The following CNP variants were observed in gnomAD, a reference collection of about 807,000 sequenced individuals.
CNP encodes 2',3'-cyclic nucleotide 3' phosphodiesterase.
Under a neutral mutation model 37.9 loss-of-function variants are expected in CNP, and 8 were observed. The ratio of observed to expected loss-of-function variants is 0.21; its 90% CI spans 0.12 to 0.38. The LOEUF (loss-of-function observed/expected upper bound fraction) is 0.38. Ranked by LOEUF, CNP falls within the 10% of genes least tolerant of loss-of-function variation. The probability of loss-of-function intolerance (pLI) is 1.00; values close to 1 mark genes in which losing one functional copy is unlikely to be tolerated. For synonymous variants in CNP, 237 were observed against 238.3 expected (o/e 0.99, Z 0.05); for missense variants, 457 against 551.0 (o/e 0.83, Z 1.71).
At position 41,976,602 on chromosome 17, in the gene CNP, G is replaced by T. The variant is rs532804087; in HGVS notation, c.*2678G>T. ...TCCACCCCACTCACAGAGACACAGG[G>T]CATCCAACTGAGAAAACGAAACTGC... is the stretch of plus-strand genomic sequence containing the variant. On this transcript the variant is annotated 3_prime_UTR_variant, in exon 4 of 4. Coordinates refer to ENST00000393892, the MANE Select transcript of CNP (RefSeq NM_033133.5). The T allele has an allele frequency of 3.4e-6, 4 of 1,168,358 alleles. No individual in the cohort carries two copies. In the Admixed American group the frequency reaches 1.1e-4, roughly 31 times the overall value. 72.4% of individuals were successfully genotyped at this position (1,168,358 alleles called of 1,614,324 possible).
Position 41,973,522 on chromosome 17 carries a change from C to T in CNP, c.864C>T (p.Ala288=). The change falls in exon 4 of 4, where the codon GCC becomes GCT. Residue 288 remains alanine (A), a synonymous_variant. Coordinates refer to ENST00000393892, the MANE Select transcript of CNP (RefSeq NM_033133.5). ...YSKAFTLTIS[A]LFVTPKTTGA... is the part of the protein sequence containing the mutation. ...AGGCCTTCACGCTGACCATCTCTGC[C>T]CTCTTTGTGACACCCAAGACGACTG... 6.2e-7 allele frequency: 1 copy of T among 1,614,224 alleles called. No homozygotes were observed. The highest frequency in any genetic ancestry group is 8.5e-7 in the Non-Finnish European group (1 of 1,180,048).
chr17:41,976,929 G>A lies in CNP; in HGVS notation c.*3005G>A, dbSNP rs2051098976. 5 of 829,218 alleles carry A rather than the reference G, an allele frequency of 6.0e-6. No individual in the cohort carries two copies. Among genetic ancestry groups the A allele is most frequent in the South Asian group, 1.9e-5 (1 of 53,382 alleles). The allele number at this position is 829,218 out of a possible 1,614,324, so 51.4% of individuals were successfully genotyped here. On this transcript the variant is annotated 3_prime_UTR_variant, in exon 4 of 4. Coordinates refer to ENST00000393892, the MANE Select transcript of CNP (RefSeq NM_033133.5). ...CTCAGGCTGTTTTTGGGTGCAAGAG[G>A]GAGCACGTGACTGTATTATACATGG...
Position 41,967,920 on chromosome 17 carries a change from C to T in CNP, c.4-148C>T, listed in dbSNP as rs1022557094. On this transcript the variant is annotated intron_variant, in intron 1 of 3. Transcript: ENST00000393892. ...CCTCTTCCTCCTCCACGACCAGAAG[C>T]GGAAAGGTGCTCCCGGACCGAAAGG... 1.3e-4 allele frequency: 195 copies of T among 1,460,176 alleles called. No homozygotes were observed. The East Asian group carries it at 4.5e-3, about 34-fold the overall frequency. The allele number at this position is 1,460,176 out of a possible 1,614,324, so 90.5% of individuals were successfully genotyped here. A position where few individuals can be genotyped will look rare whatever the true frequency, so the allele number is the denominator to read the frequency against.
Position 41,977,488 on chromosome 17 carries a change from C to T in CNP, c.*3564C>T, listed in dbSNP as rs1396111096. On this transcript the variant is annotated 3_prime_UTR_variant, in exon 4 of 4. Transcript: ENST00000393892. ...CTGCAAGTGAGCAAACCTGCCCCATCCCGTGCAAAACATGCTACCTGATCC... is the reference window on the plus strand; with the variant it reads ...CTGCAAGTGAGCAAACCTGCCCCATTCCGTGCAAAACATGCTACCTGATCC... The T allele has an allele frequency of 8.3e-6, 5 of 600,560 alleles. No homozygotes were observed. The East Asian group carries it at 1.2e-4, about 14-fold the overall frequency. 37.2% of individuals were successfully genotyped at this position (600,560 alleles called of 1,614,324 possible).
rs1199960315 is a variant in CNP, at chr17:41,976,823, C to A, written c.*2899C>A. 3.8e-6 allele frequency: 6 copies of A among 1,591,452 alleles called. No individual in the cohort carries two copies. Among genetic ancestry groups the A allele is most frequent in the South Asian group, 1.1e-5 (1 of 88,512 alleles). On this transcript the variant is annotated 3_prime_UTR_variant, in exon 4 of 4. Coordinates refer to ENST00000393892, the MANE Select transcript of CNP (RefSeq NM_033133.5). ...TGGCTATGGATTTTCTAAGGAAGATCACTTTGCTCTGATTATGGAAAAGTC... is the reference window on the plus strand; with the variant it reads ...TGGCTATGGATTTTCTAAGGAAGATAACTTTGCTCTGATTATGGAAAAGTC...
Position 41,977,251 on chromosome 17 carries a change from G to T in CNP, c.*3327G>T. On this transcript the variant is annotated 3_prime_UTR_variant, in exon 4 of 4. Coordinates refer to ENST00000393892, the MANE Select transcript of CNP (RefSeq NM_033133.5). ...ATCTGGGAACTCCCAAGAACAGCAGGCCCACCTACCTTCAAAGCTGAAGCC... is the reference window on the plus strand; with the variant it reads ...ATCTGGGAACTCCCAAGAACAGCAGTCCCACCTACCTTCAAAGCTGAAGCC... The T allele has an allele frequency of 6.3e-7, 1 of 1,576,692 alleles. No homozygotes were observed. The highest frequency in any genetic ancestry group is 8.6e-7 in the Non-Finnish European group (1 of 1,161,508).
chr17:41,977,364 G>A lies in CNP; in HGVS notation c.*3440G>A, dbSNP rs1555645137. On this transcript the variant is annotated 3_prime_UTR_variant, in exon 4 of 4. Coordinates refer to ENST00000393892, the MANE Select transcript of CNP (RefSeq NM_033133.5). Reference sequence around the variant, plus strand: ...AGTAACATGGAAGGGAAGAAAAGGTGAAAAATTAGAAATGTTCGAAGAGAA... The same window carrying A: ...AGTAACATGGAAGGGAAGAAAAGGTAAAAAATTAGAAATGTTCGAAGAGAA... The A allele has an allele frequency of 3.3e-6, 5 of 1,517,484 alleles. No individual in the cohort carries two copies. The highest frequency in any genetic ancestry group is 3.6e-6 in the Non-Finnish European group (4 of 1,114,870). The allele number at this position is 1,517,484 out of a possible 1,614,324, so 94.0% of individuals were successfully genotyped here.
rs782443159 is a variant in CNP at position 41,973,973 on chromosome 17, C to T, written c.*49C>T. ...CCTAGAAGGGAAGGGGAGAGGGAAACGTGCCCTCTGTTTGATCCTTGTTTT... is the reference window on the plus strand; with the variant it reads ...CCTAGAAGGGAAGGGGAGAGGGAAATGTGCCCTCTGTTTGATCCTTGTTTT... On this transcript the variant is annotated 3_prime_UTR_variant, in exon 4 of 4. Coordinates refer to ENST00000393892, the MANE Select transcript of CNP (RefSeq NM_033133.5). 2.2e-5 allele frequency: 29 copies of T among 1,290,504 alleles called. No homozygotes were observed. The East Asian group carries it at 2.9e-4, about 13-fold the overall frequency. The allele number at this position is 1,290,504 out of a possible 1,614,324, so 79.9% of individuals were successfully genotyped here.
chr17:41,969,505 C>T (rs2050953289), intron 2 of CNP, among the ~76,000 whole-genome samples: 1 of 152,166 alleles, frequency 6.6e-6, no homozygotes, highest in South Asian at 2.1e-4. Context: ...AGAAGTGCCA[C>T]CCACTAATCC....
At position 41,977,255 on chromosome 17, in the gene CNP, A is replaced by G; in HGVS notation, c.*3331A>G. ...GGGAACTCCCAAGAACAGCAGGCCC[A>G]CCTACCTTCAAAGCTGAAGCCGCCA... On this transcript the variant is annotated 3_prime_UTR_variant, in exon 4 of 4. Coordinates refer to ENST00000393892, the MANE Select transcript of CNP (RefSeq NM_033133.5). 6.3e-7 allele frequency: 1 copy of G among 1,577,674 alleles called. No homozygotes were observed. Among genetic ancestry groups the G allele is most frequent in the Non-Finnish European group, 8.6e-7 (1 of 1,161,954 alleles).
Position 41,973,759 on chromosome 17 carries a change from A to G in CNP, c.1101A>G (p.Leu367=), listed in dbSNP as rs2051029278. The part of the protein sequence containing the change: ...GGSRGEEVGE[L]SRGKLYSLGN... ...GCCGAGGCGAGGAGGTGGGCGAGCT[A>G]AGCCGGGGCAAGCTCTATTCCTTGG... The change falls in exon 4 of 4, where the codon CTA becomes CTG. Residue 367 remains leucine (L), a synonymous_variant. Transcript: ENST00000393892. 1 of 1,612,374 alleles carries G rather than the reference A, an allele frequency of 6.2e-7. No individual in the cohort carries two copies. Among genetic ancestry groups the G allele is most frequent in the Non-Finnish European group, 8.5e-7 (1 of 1,179,160 alleles).
chr17:41,968,142 C>G lies in CNP; in HGVS notation c.78C>G (p.Ala26=). The change falls in exon 2 of 4, where the codon GCC becomes GCG. Residue 26 remains alanine (A), a synonymous_variant. Coordinates refer to ENST00000393892, the MANE Select transcript of CNP (RefSeq NM_033133.5). This position sits in a 1 kb window ranked among gnomAD's most constrained non-coding sequence, Gnocchi z 4.8. ...IFFRKMSSSG[A]KDKPELQFPF... is the part of the protein sequence containing the mutation. ...TCCGCAAGATGTCATCCTCAGGGGC[C>G]AAGGACAAGCCTGAGCTGCAGTTTC... is the stretch of plus-strand genomic sequence containing the variant. The G allele has an allele frequency of 6.2e-7, 1 of 1,614,242 alleles. No individual in the cohort carries two copies. Among genetic ancestry groups the G allele is most frequent in the Non-Finnish European group, 8.5e-7 (1 of 1,180,046 alleles).
chr17:41,976,647 G>T lies in CNP; in HGVS notation c.*2723G>T. On this transcript the variant is annotated 3_prime_UTR_variant, in exon 4 of 4. Transcript: ENST00000393892. The stretch of plus-strand genomic sequence containing the variant: ...AACTGCTCTAAGCACACGGAGACGT[G>T]ATGAAGGGAGGAGGTGAACTGTTTC... 2 of 1,544,794 alleles carry T rather than the reference G, an allele frequency of 1.3e-6. No homozygotes were observed. The highest frequency in any genetic ancestry group is 1.8e-6 in the Non-Finnish European group (2 of 1,135,358).
rs1301015562 is a variant in CNP at position 41,977,373 on chromosome 17, GA to G, written c.*3452del. ...GAAGGGAAGAAAAGGTGAAAAATTA[GA>G]AATGTTCGAAGAGAACTGATGACAC... On this transcript the variant is annotated 3_prime_UTR_variant, in exon 4 of 4. Transcript: ENST00000393892. 2.1e-5 allele frequency: 32 copies of G among 1,494,130 alleles called. No homozygotes were observed. Among genetic ancestry groups the G allele is most frequent in the Non-Finnish European group, 2.7e-5 (30 of 1,094,458 alleles). 92.6% of individuals were successfully genotyped at this position (1,494,130 alleles called of 1,614,324 possible).
chr17:41,967,609 A>G, intron 1 of CNP: 3 of 975,842 alleles, frequency 3.1e-6, no homozygotes, highest in Non-Finnish European at 3.7e-6. Context: ...ACAAGAGAGT[A>G]TTATCTGTTG....
At chr17:41,972,984 C>T (rs1197160717) in intron 3 of CNP, among the ~76,000 whole-genome samples, 1 of 152,216 alleles carries the variant, frequency 6.6e-6, no homozygotes, top group Non-Finnish European at 1.5e-5. Context: ...TGACCTCAGT[C>T]TGACCTCACC....
intron 2 of CNP, among the ~76,000 whole-genome samples, chr17:41,969,979 C>T (rs1352698393): frequency 6.6e-6 from 1 of 152,214 alleles, no homozygotes; most frequent in Non-Finnish European, 1.5e-5. Context: ...GCTTTTTTCT[C>T]AGCTCCTAAA....
At position 41,974,236 on chromosome 17, in the gene CNP, T is replaced by C. The variant is rs1555644358; in HGVS notation, c.*312T>C. 1 of 207,248 alleles carries C rather than the reference T, an allele frequency of 4.8e-6. No individual in the cohort carries two copies. The highest frequency in any genetic ancestry group is 9.6e-6 in the Non-Finnish European group (1 of 103,888). The allele number at this position is 207,248 out of a possible 1,614,324, so 12.8% of individuals were successfully genotyped here. ...CCCGAGCCCTACTTCCAGGTTCTGG[T>C]TAGCTCAGCCCCAGCCCAGCCCAGC... On this transcript the variant is annotated 3_prime_UTR_variant, in exon 4 of 4. Coordinates refer to ENST00000393892, the MANE Select transcript of CNP (RefSeq NM_033133.5).
rs2050936016 is a variant in CNP at position 41,968,479 on chromosome 17, G to A, written c.415G>A (p.Asp139Asn). The A allele has an allele frequency of 6.2e-7, 1 of 1,613,962 alleles. No homozygotes were observed. The highest frequency in any genetic ancestry group is 1.7e-5 in the Admixed American group (1 of 59,988). ...GCTGGAGCAGCTCTTTGAAATGGCCGACCAGTACCAGTACCAGGTGGTGCT... is the reference window on the plus strand; with the variant it reads ...GCTGGAGCAGCTCTTTGAAATGGCCAACCAGTACCAGTACCAGGTGGTGCT... ...ERLEQLFEMA[D>N]QYQYQVVLVE... Residue 139 changes from aspartate (D) to asparagine (N), a missense_variant, in exon 2 of 4, where the codon GAC becomes AAC. Physicochemically the swap from Asp to Asn is conservative, Grantham distance 23. Around this residue, in one of 2 missense-constraint regions of CNP, gnomAD observed 166 missense variants for 259.3 expected, o/e 0.64. Transcript: ENST00000393892. This position sits in a 1 kb window ranked among gnomAD's most constrained non-coding sequence, Gnocchi z 4.8.
Sources: allele counts gnomAD v4.1 joint callset (sites outside exome capture counted in the v4.1 genomes callset), GRCh38; gene constraint gnomAD v4.1.1; regional missense constraint gnomAD v4.1.1; non-coding constraint Gnocchi (gnomAD v3.1); transcripts MANE v1.5; gene names NCBI Gene and HGNC (gene_info 2026-07-23, HGNC 2026-07-21).